Variants in NAALAD2 observed in about 807,000 individuals in gnomAD.
NAALAD2 encodes the protein N-acetylated alpha-linked acidic dipeptidase 2, also known as N-acetylated-alpha-linked acidic dipeptidase 2.
NAALAD2 carries 89 observed loss-of-function variants against 95.6 expected under a neutral mutation model. That is an observed-to-expected ratio of 0.93 (90% CI 0.78 to 1.11). The LOEUF (loss-of-function observed/expected upper bound fraction) is 1.11. Ranked by LOEUF, NAALAD2 falls within the 50% of genes least tolerant of loss-of-function variation. The pLI is 0.00. For missense variants in NAALAD2, 894 were observed against 872.4 expected (o/e 1.02, Z -0.31); for synonymous variants, 264 against 294.4 (o/e 0.90, Z 1.06).
chr11:90,148,123 A>G (rs1000966193), intron 3 of NAALAD2, among the ~76,000 whole-genome samples: 1 of 152,184 alleles, frequency 6.6e-6, no homozygotes, highest in African/African-American at 2.4e-5. Context: ...GCCAATGACA[A>G]GTCCTGAGCA....
At chr11:90,169,272 ACT>A (rs991786372) in intron 12 of NAALAD2, 17 of 251,174 alleles carry the variant, frequency 6.8e-5, no homozygotes, top group African/African-American at 3.7e-4. Context: ...ACTACTTAAA[ACT>A]CTAGTATTAA....
intron 13 of NAALAD2, among the ~76,000 whole-genome samples, chr11:90,173,606 CAGGT>C (rs1952704963): frequency 6.6e-6 from 1 of 152,094 alleles, no homozygotes; most frequent in Non-Finnish European, 1.5e-5. Flanking sequence ...ATTACCAACA[CAGGT>C]AGACATCATG....
chr11:90,191,931 A>G lies in NAALAD2; in HGVS notation c.*184A>G, dbSNP rs1394528202. 3.0e-5 allele frequency: 11 copies of G among 371,124 alleles called. No homozygotes were observed. The highest frequency in any genetic ancestry group is 5.2e-5 in the Non-Finnish European group (11 of 213,306). The allele number at this position is 371,124 out of a possible 1,614,324, so 23.0% of individuals were successfully genotyped here. A position where few individuals can be genotyped will look rare whatever the true frequency, so the allele number is the denominator to read the frequency against. On this transcript the variant is annotated 3_prime_UTR_variant, in exon 19 of 19. Transcript: ENST00000534061. ...CTCTTTAAAAGTTAATAATTATATT[A>G]GCAAAGTGTTAATCTAATGAAGTAA...
At chr11:90,145,869 T>A (rs1253125232) in intron 2 of NAALAD2, among the ~76,000 whole-genome samples, 1 of 152,134 alleles carries the variant, frequency 6.6e-6, no homozygotes, top group Non-Finnish European at 1.5e-5. Flanking sequence ...AAGAGAGTGA[T>A]GTGGAATTAA....
rs547448777 is a variant in NAALAD2, at chr11:90,152,489, G to A, written c.796+5G>A. On this transcript the variant is annotated splice_donor_5th_base_variant and intron_variant, in intron 6 of 18. Coordinates refer to ENST00000534061, the MANE Select transcript of NAALAD2 (RefSeq NM_005467.4). ...CTCCAGGCTATCCAGCAAAAGGTAA[G>A]GGATGAGCCTATCAGTCCACCAATT... 4 of 1,597,006 alleles carry A rather than the reference G, an allele frequency of 2.5e-6. No individual in the cohort carries two copies. The highest frequency in any genetic ancestry group is 3.4e-5 in the Admixed American group (2 of 59,638).
chr11:90,190,626 G>A (rs185429748), intron 18 of NAALAD2, among the ~76,000 whole-genome samples: 1 of 152,116 alleles, frequency 6.6e-6, no homozygotes, highest in Non-Finnish European at 1.5e-5. Flanking sequence ...TACAGGTCAG[G>A]ATACCAATGC....
At chr11:90,155,411 AAT>A (rs1952053104) in intron 6 of NAALAD2, among the ~76,000 whole-genome samples, 1 of 105,474 alleles carries the variant, frequency 9.5e-6, no homozygotes, top group Non-Finnish European at 1.7e-5. Context: ...TATATAATGT[AAT>A]ATTACATATT....
chr11:90,142,193 G>A (rs1465376402), intron 2 of NAALAD2, among the ~76,000 whole-genome samples: 1 of 152,032 alleles, frequency 6.6e-6, no homozygotes, highest in Non-Finnish European at 1.5e-5. Context: ...CTGGTCGGTA[G>A]GGTAATTCCT....
chr11:90,166,311 GTATGTGTA>G (rs1454074243), intron 11 of NAALAD2, among the ~76,000 whole-genome samples: 1 of 152,134 alleles, frequency 6.6e-6, no homozygotes, highest in Non-Finnish European at 1.5e-5. Flanking sequence ...GTGTGTTTGT[GTATGTGTA>G]TGAGAGAGAG....
chr11:90,170,043 TA>T (rs1952587332), intron 12 of NAALAD2, 25 bp from the exon 13 acceptor site: 2 of 1,331,324 alleles, frequency 1.5e-6, no homozygotes, highest in Non-Finnish European at 2.2e-6. Flanking sequence ...TATGAAATAA[TA>T]CTCTGTGTCT....
chr11:90,192,289 C>G lies in NAALAD2; in HGVS notation c.*542C>G, dbSNP rs1439182632. On this transcript the variant is annotated 3_prime_UTR_variant, in exon 19 of 19. Transcript: ENST00000534061. Reference sequence around the variant, plus strand: ...ACACAATAGACTACTTACTACTCAGCAATAAAAATGAAGTAACTTTCAATA... The same window carrying G: ...ACACAATAGACTACTTACTACTCAGGAATAAAAATGAAGTAACTTTCAATA... The G allele has an allele frequency of 6.6e-6, 1 of 151,914 alleles. No individual in the cohort carries two copies. Among genetic ancestry groups the G allele is most frequent in the Non-Finnish European group, 1.5e-5 (1 of 67,894 alleles). The allele number at this position is 151,914 out of a possible 1,614,324, so 9.4% of individuals were successfully genotyped here. A position where few individuals can be genotyped will look rare whatever the true frequency, so the allele number is the denominator to read the frequency against.
intron 18 of NAALAD2, among the ~76,000 whole-genome samples, chr11:90,184,754 G>A (rs976740913): frequency 6.6e-6 from 1 of 151,830 alleles, no homozygotes; most frequent in African/African-American, 2.4e-5. Flanking sequence ...GTTGAGTTTG[G>A]TGTAAGTTTT....
intron 18 of NAALAD2, among the ~76,000 whole-genome samples, chr11:90,186,517 T>C (rs1225238704): frequency 2.6e-5 from 4 of 151,566 alleles, no homozygotes; most frequent in Non-Finnish European, 4.4e-5. Flanking sequence ...AGCAGCATGA[T>C]TTATAGTCCT....
At chr11:90,153,441 A>G (rs1264903084) in intron 6 of NAALAD2, among the ~76,000 whole-genome samples, 2 of 152,178 alleles carry the variant, frequency 1.3e-5, no homozygotes, top group Non-Finnish European at 2.9e-5. Context: ...TGTCCTCACC[A>G]ACATTTAGTA....
intron 2 of NAALAD2, among the ~76,000 whole-genome samples, chr11:90,137,487 C>T (rs969325045): frequency 1.3e-5 from 2 of 152,104 alleles, no homozygotes; most frequent in Non-Finnish European, 2.9e-5. Context: ...TAAATGTGTA[C>T]AAGTAGTAGG....
At chr11:90,158,565 A>G (rs1023687937) in intron 7 of NAALAD2, 9 of 235,672 alleles carry the variant, frequency 3.8e-5, no homozygotes, top group South Asian at 2.4e-4. Context: ...AACGTCTAGT[A>G]TAAGAATATG....
At chr11:90,134,895 A>AT (rs980432932) in intron 1 of NAALAD2, 55 bp downstream of exon 1, 2 of 1,585,300 alleles carry the variant, frequency 1.3e-6, no homozygotes, top group African/African-American at 2.7e-5. Context: ...CTCTGCAGAG[A>AT]TAAAGGGAGA....
chr11:90,162,871 A>G, intron 8 of NAALAD2, 78 bp from the exon 9 acceptor site: 2 of 812,830 alleles, frequency 2.5e-6, no homozygotes, highest in Non-Finnish European at 4.0e-6. Context: ...CACTATTATG[A>G]AAATAGTTTT....
At chr11:90,186,297 C>T (rs1446660858) in intron 18 of NAALAD2, among the ~76,000 whole-genome samples, 6 of 151,600 alleles carry the variant, frequency 4.0e-5, no homozygotes, top group Non-Finnish European at 5.9e-5. Flanking sequence ...TTGTTCTTGG[C>T]GATAGTTTAC....
Sources: gnomAD v4.1 joint callset for allele counts (sites outside exome capture counted in the v4.1 genomes callset) on GRCh38, gnomAD v4.1.1 for gene constraint, MANE v1.5 for transcripts, NCBI Gene and HGNC (gene_info 2026-07-23, HGNC 2026-07-21) for gene names.